Variants in NAV3 observed in about 807,000 individuals in gnomAD.
NAV3 encodes pore membrane and/or filament interacting like protein 1.
A neutral mutation model predicts 244.7 loss-of-function variants in NAV3; 87 were observed. That is an observed-to-expected ratio of 0.36 (90% CI 0.30 to 0.42). The LOEUF is 0.42. Among genes scored for constraint, NAV3 ranks in the 20% least tolerant of loss-of-function variants. The pLI, the probability that NAV3 is intolerant of heterozygous loss-of-function variation, is 1.00. For missense variants in NAV3, 2,663 were observed against 2,893.3 expected (o/e 0.92, Z 1.83); for synonymous variants, 1,126 against 1,042.2 (o/e 1.08, Z -1.55).
rs185333080 is a variant in NAV3, at chr12:77,574,467, C to G, written c.72+2201C>G. On this transcript the variant is annotated intron_variant, in intron 2 of 8. Coordinates refer to the NAV3 transcript ENST00000550042. Reference sequence around the variant, plus strand: ...GGCCATGGCCCTGCCACCAAGTAATCGCTAATAGAGATTAGAAGGTCATTT... The same window carrying G: ...GGCCATGGCCCTGCCACCAAGTAATGGCTAATAGAGATTAGAAGGTCATTT... Among the ~76,000 whole-genome samples, 6 of 152,046 alleles carry G rather than the reference C, an allele frequency of 3.9e-5. No individual in the cohort carries two copies. The East Asian group carries it at 1.2e-3, about 29-fold the overall frequency.
At chr12:77,618,021 T>G (rs753335691) in intron 2 of NAV3, among the ~76,000 whole-genome samples, 2 of 152,098 alleles carry the variant, frequency 1.3e-5, no homozygotes, top group African/African-American at 2.4e-5. Flanking sequence ...TAATGCTGAG[T>G]GTGCAACAAG....
intron 2 of NAV3, among the ~76,000 whole-genome samples, chr12:77,812,865 C>T (rs1283191501): frequency 5.3e-5 from 8 of 151,860 alleles, no homozygotes; most frequent in Non-Finnish European, 1.2e-4. Context: ...CTCACTCTGT[C>T]ACCCAGGCTG....
intron 8 of NAV3, among the ~76,000 whole-genome samples, chr12:78,019,456 A>C (rs1442173235): frequency 6.6e-6 from 1 of 152,194 alleles, no homozygotes; most frequent in Non-Finnish European, 1.5e-5. Context: ...ACATTAATCA[A>C]TTAATTACAT....
chr12:77,650,863 T>G (rs558540695), intron 2 of NAV3, among the ~76,000 whole-genome samples: 16 of 152,234 alleles, frequency 1.1e-4, no homozygotes, highest in African/African-American at 3.6e-4. Context: ...GTGACAGACT[T>G]AATAAAAATG....
chr12:78,003,828 T>C (rs1873741312), intron 7 of NAV3, among the ~76,000 whole-genome samples: 1 of 152,230 alleles, frequency 6.6e-6, no homozygotes, highest in Admixed American at 6.5e-5. Flanking sequence ...CGAATATCTA[T>C]TCTCACATCA....
chr12:78,033,618 T>C (rs1156980840), intron 9 of NAV3, among the ~76,000 whole-genome samples: 1 of 152,146 alleles, frequency 6.6e-6, no homozygotes, highest in Non-Finnish European at 1.5e-5. Context: ...AGAGTAAATG[T>C]GGACTGATGT....
At chr12:77,670,041 A>G (rs1436001964) in intron 2 of NAV3, among the ~76,000 whole-genome samples, 2 of 152,134 alleles carry the variant, frequency 1.3e-5, no homozygotes, top group East Asian at 3.8e-4. Flanking sequence ...AATAAAATTG[A>G]TAGACCATTC....
intron 22 of NAV3, among the ~76,000 whole-genome samples, chr12:78,150,631 T>TCACACACACA (rs34534100): frequency 1.1e-4 from 16 of 144,326 alleles, no homozygotes; most frequent in Admixed American, 4.2e-4. Flanking sequence ...AAAAGCTTCC[T>TCACACACACA]CACACACACA....
At chr12:77,901,013 G>T (rs1032340636) in intron 1 of NAV3, among the ~76,000 whole-genome samples, 1 of 152,012 alleles carries the variant, frequency 6.6e-6, no homozygotes, top group Admixed American at 6.6e-5. Context: ...ATGTTTGTTG[G>T]CCCCTTGTAT....
At chr12:78,137,390 T>C (rs1956420318) in intron 19 of NAV3, 25 bp downstream of exon 19, 5 of 1,572,116 alleles carry the variant, frequency 3.2e-6, no homozygotes, top group Middle Eastern at 1.7e-4. Context: ...GGATTAAAGA[T>C]GAAGTCACTT....
intron 5 of NAV3, among the ~76,000 whole-genome samples, chr12:77,986,513 G>C (rs1347370942): frequency 6.6e-6 from 1 of 152,130 alleles, no homozygotes; most frequent in Non-Finnish European, 1.5e-5. Flanking sequence ...AAGAGCTAAA[G>C]TCGATACATT....
At chr12:78,005,659 G>A (rs750159496) in intron 7 of NAV3, among the ~76,000 whole-genome samples, 1 of 152,194 alleles carries the variant, frequency 6.6e-6, no homozygotes, top group Non-Finnish European at 1.5e-5. Context: ...AGCTTGGGCT[G>A]TAGAGTGACA....
rs71088342 is a variant in NAV3 at position 77,831,195 on chromosome 12, C to CAGAGAGAGAG, written c.-253_-244dup. 743 of 145,106 alleles carry CAGAGAGAGAG rather than the reference C, an allele frequency of 5.1e-3. 5 individuals carry two copies. Among genetic ancestry groups the CAGAGAGAGAG allele is most frequent in the African/African-American group, 0.011 (344 of 32,684 alleles). 9.0% of individuals were successfully genotyped at this position (145,106 alleles called of 1,614,324 possible). A position where few individuals can be genotyped will look rare whatever the true frequency, so the allele number is the denominator to read the frequency against. Reference sequence around the variant, plus strand: ...AGAGAGAGAGAGAGAGAGAGAGAGACAGAGAGAGAGAGAGAGAGAGAGAAA... The same window carrying CAGAGAGAGAG: ...AGAGAGAGAGAGAGAGAGAGAGAGACAGAGAGAGAGAGAGAGAGAGAGAGAGAGAGAGAAA... On this transcript the variant is annotated 5_prime_UTR_variant, in exon 1 of 40. Transcript: ENST00000397909.
chr12:78,006,307 G>A, intron 7 of NAV3, 112 bp from the exon 8 acceptor site: 1 of 976,728 alleles, frequency 1.0e-6, no homozygotes, highest in Non-Finnish European at 1.5e-6. Context: ...TCTCTTTTCA[G>A]TTCAGAGGAG....
At chr12:78,136,080 A>T (rs1956360117) in intron 18 of NAV3, among the ~76,000 whole-genome samples, 1 of 152,130 alleles carries the variant, frequency 6.6e-6, no homozygotes, top group Admixed American at 6.6e-5. Context: ...CCTGTTTTAC[A>T]TTGTTTTGAG....
chr12:77,909,917 A>C (rs974962640), intron 1 of NAV3, among the ~76,000 whole-genome samples: 1 of 152,222 alleles, frequency 6.6e-6, no homozygotes, highest in South Asian at 2.1e-4. Flanking sequence ...GAGAACTAAG[A>C]TATGTCATTA....
chr12:77,594,866 CTG>C (rs1870095473), intron 2 of NAV3, among the ~76,000 whole-genome samples: 1 of 152,086 alleles, frequency 6.6e-6, no homozygotes, highest in Admixed American at 6.5e-5. Context: ...TTACCAATAA[CTG>C]TAATACTTTT....
intron 30 of NAV3, among the ~76,000 whole-genome samples, chr12:78,183,339 A>T (rs78320121): frequency 0.012 from 1,880 of 152,092 alleles, 34 homozygotes; most frequent in African/African-American, 0.042. Flanking sequence ...ATAAACACAA[A>T]TAATGGCTGG....
At position 77,725,816 on chromosome 12, in the gene NAV3, C is replaced by G. The variant is rs150251992; in HGVS notation, c.72+153550C>G. Reference sequence around the variant, plus strand: ...TTAAATTTAGGTCTCTACAGGGCTGCATTCCTTCTGGAAGATCTGTGGGCG... The same window carrying G: ...TTAAATTTAGGTCTCTACAGGGCTGGATTCCTTCTGGAAGATCTGTGGGCG... On this transcript the variant is annotated intron_variant, in intron 2 of 8. Transcript: ENST00000550042. 5.4e-4 allele frequency among the ~76,000 whole-genome samples: 82 copies of G among 152,064 alleles called. No homozygotes were observed. The Middle Eastern group carries it at 0.014, about 25-fold the overall frequency.
Sources: allele counts gnomAD v4.1 joint callset (sites outside exome capture counted in the v4.1 genomes callset), GRCh38; gene constraint gnomAD v4.1.1; transcripts MANE v1.5; gene names NCBI Gene and HGNC (gene_info 2026-07-23, HGNC 2026-07-21).